PENK: variants seen among roughly 807,000 people sequenced by gnomAD.
The protein encoded by PENK is proenkephalin, also known as proenkephalin-A.
PENK carries 25 observed loss-of-function variants against 24.1 expected under a neutral mutation model. The ratio of observed to expected loss-of-function variants is 1.04; its 90% CI spans 0.76 to 1.45. The LOEUF (loss-of-function observed/expected upper bound fraction) is 1.45, where lower values mean the gene tolerates loss of function less well. PENK is among the 40% of genes most tolerant of loss of function. The pLI, the probability that PENK is intolerant of heterozygous loss-of-function variation, is 0.00. For synonymous variants in PENK, 135 were observed against 130.3 expected, an observed-to-expected ratio of 1.04 and a Z score of -0.24; for missense variants, 353 against 337.9, an observed-to-expected ratio of 1.04 and a Z score of -0.35.
Position 56,441,387 on chromosome 8 carries a change from T to C in PENK, c.689A>G (p.Tyr230Cys). 6.2e-7 allele frequency: 1 copy of C among 1,614,150 alleles called. No homozygotes were observed. The highest frequency in any genetic ancestry group is 8.5e-7 in the Non-Finnish European group (1 of 1,180,002). ...GGCAAAGCGCTTCAGGAAACCTCCA[T>C]ACCGTTTCTGGTAGTCCATCCACCA... ...PEWWMDYQKR[Y>C]GGFLKRFAEA... is the part of the protein sequence containing the mutation. Residue 230 changes from tyrosine to cysteine, a missense_variant, in exon 4 of 4, where the codon TAT becomes TGT. Coordinates refer to ENST00000451791, the MANE Select transcript of PENK (RefSeq NM_001135690.3).
At chr8:56,443,915 G>T in intron 3 of PENK, 1 of 693,688 alleles carries the variant, frequency 1.4e-6, no homozygotes, top group South Asian at 1.5e-5. Flanking sequence ...TCCATCACCT[G>T]GATTAAAGTA....
chr8:56,446,387 C>T (rs148194717), intron 2 of PENK, 39 bp downstream of exon 2: 1 of 187,266 alleles, frequency 5.3e-6, no homozygotes, highest in Admixed American at 5.5e-5. Flanking sequence ...CGTCCCCAAA[C>T]CCGCTCAGCA....
chr8:56,445,559 T>C (rs1804640049), intron 3 of PENK: 1 of 606,104 alleles, frequency 1.6e-6, no homozygotes, highest in African/African-American at 1.9e-5. Context: ...AAAACAAACT[T>C]GGTTTGTGCG....
intron 3 of PENK, chr8:56,443,662 C>T (rs997331750): frequency 1.3e-4 from 39 of 305,484 alleles, no homozygotes; most frequent in Non-Finnish European, 2.1e-4. Flanking sequence ...GATTTCACTA[C>T]ATAATTTTGG....
intron 3 of PENK, among the ~76,000 whole-genome samples, chr8:56,445,079 A>T (rs1468189790): frequency 2.6e-5 from 4 of 152,166 alleles, no homozygotes; most frequent in South Asian, 4.1e-4. Context: ...GACTGTTGTC[A>T]CCCATTGGAC....
chr8:56,441,076 A>G lies in PENK; in HGVS notation c.*196T>C. ...AGCATGAAAACGAGATAGCTGCAAT[A>G]GACTAATACTGAGCTTAAAGACTCC... On this transcript the variant is annotated 3_prime_UTR_variant, in exon 4 of 4. Coordinates refer to ENST00000451791, the MANE Select transcript of PENK (RefSeq NM_001135690.3). The G allele has an allele frequency of 1.9e-6, 1 of 525,988 alleles. No homozygotes were observed. Among genetic ancestry groups the G allele is most frequent in the Non-Finnish European group, 3.4e-6 (1 of 297,440 alleles). 32.6% of individuals were successfully genotyped at this position (525,988 alleles called of 1,614,324 possible).
chr8:56,442,867 T>C (rs1283006077), intron 3 of PENK, among the ~76,000 whole-genome samples: 2 of 133,814 alleles, frequency 1.5e-5, no homozygotes, highest in East Asian at 4.9e-4. Flanking sequence ...GTCTATACAT[T>C]CGAATGATCT....
At chr8:56,442,776 A>C (rs981500104) in intron 3 of PENK, among the ~76,000 whole-genome samples, 1 of 152,088 alleles carries the variant, frequency 6.6e-6, no homozygotes. Context: ...AATGGAAATC[A>C]TGGTGTTTGG....
rs780211826 is a variant in PENK at position 56,446,003 on chromosome 8, AC to A, written c.-3-48del. On this transcript the variant is annotated intron_variant, in intron 2 of 3. Coordinates refer to ENST00000451791, the MANE Select transcript of PENK (RefSeq NM_001135690.3). ...TGCTTCGAGCCTGCCTGGGCGCAGA[AC>A]GGGGTCCCTCGGCAGGACCCTCGCC... 15 of 1,434,486 alleles carry A rather than the reference AC, an allele frequency of 1.0e-5. No homozygotes were observed. In the South Asian group the frequency reaches 1.9e-4, roughly 19 times the overall value. 88.9% of individuals were successfully genotyped at this position (1,434,486 alleles called of 1,614,324 possible).
At position 56,441,753 on chromosome 8, in the gene PENK, C is replaced by T. The variant is rs750414338; in HGVS notation, c.323G>A (p.Gly108Glu). ...CTCATCCATTTTCTTCATGAAGCCTCCATACCTTTTCATGAAGCCCCCATA... is the reference window on the plus strand; with the variant it reads ...CTCATCCATTTTCTTCATGAAGCCTTCATACCTTTTCATGAAGCCCCCATA... ...KRYGGFMKRY[G>E]GFMKKMDELY... Residue 108 changes from glycine (G) to glutamate (E), a missense_variant, in exon 4 of 4, where the codon GGA becomes GAA. Coordinates refer to ENST00000451791, the MANE Select transcript of PENK (RefSeq NM_001135690.3). The T allele has an allele frequency of 5.0e-6, 8 of 1,609,216 alleles. No homozygotes were observed. The highest frequency in any genetic ancestry group is 2.2e-5 in the East Asian group (1 of 44,846).
chr8:56,441,452 C>T lies in PENK; in HGVS notation c.624G>A (p.Lys208=), dbSNP rs1816908772. The part of the protein sequence containing the change: ...QLEDEAKELQ[K]RYGGFMRRVG... ...CTCTTCTCATGAAGCCCCCATATCGCTTCTGCAGCTCTTTGGCTTCATCTT... is the reference window on the plus strand; with the variant it reads ...CTCTTCTCATGAAGCCCCCATATCGTTTCTGCAGCTCTTTGGCTTCATCTT... Residue 208 remains lysine, a synonymous_variant, in exon 4 of 4, where the codon AAG becomes AAA. Coordinates refer to ENST00000451791, the MANE Select transcript of PENK (RefSeq NM_001135690.3). 1 of 1,613,576 alleles carries T rather than the reference C, an allele frequency of 6.2e-7. No individual in the cohort carries two copies. The highest frequency in any genetic ancestry group is 1.3e-5 in the African/African-American group (1 of 74,958).
At chr8:56,446,238 C>T (rs1804663213) in intron 2 of PENK, 188 bp downstream of exon 2, 2 of 473,342 alleles carry the variant, frequency 4.2e-6, no homozygotes, top group Admixed American at 3.4e-5. Context: ...GGCAAGATTC[C>T]GGAGAGAACG....
Position 56,445,976 on chromosome 8 carries a change from C to G in PENK, c.-3-20G>C, listed in dbSNP as rs2078280. On this transcript the variant is annotated intron_variant, in intron 2 of 3. Transcript: ENST00000451791. ...CATGGACTGCGAGGAGAGAGGGACG[C>G]GTGCTTCGAGCCTGCCTGGGCGCAG... 10,878 of 1,570,184 alleles carry G rather than the reference C, an allele frequency of 6.9e-3. 638 individuals carry two copies. The African/African-American group carries it at 0.13, about 19-fold the overall frequency.
intron 3 of PENK, chr8:56,443,439 A>T (rs1804593968): frequency 6.6e-6 from 1 of 152,316 alleles, no homozygotes. Flanking sequence ...ATGCACTCGT[A>T]CTAAGGTAGC....
Position 56,445,457 on chromosome 8 carries a change from A to G in PENK, c.138+359T>C, listed in dbSNP as rs112182594. On this transcript the variant is annotated intron_variant, in intron 3 of 3. Transcript: ENST00000451791. ...GGGATATGTTAGGAGTTGTGGTGAC[A>G]GCCATCTTCCTTCTGACAGCCCAGG... 1.0e-3 allele frequency: 509 copies of G among 495,446 alleles called. 1 individual carries two copies. The Middle Eastern group carries it at 0.015, about 14-fold the overall frequency. The allele number at this position is 495,446 out of a possible 1,614,324, so 30.7% of individuals were successfully genotyped here. A position where few individuals can be genotyped will look rare whatever the true frequency, so the allele number is the denominator to read the frequency against.
In PENK at chr8:56,441,255, A is replaced by T; in HGVS notation, c.*17T>A. 6.5e-7 allele frequency: 1 copy of T among 1,531,966 alleles called. No homozygotes were observed. 94.9% of individuals were successfully genotyped at this position (1,531,966 alleles called of 1,614,324 possible). A position where few individuals can be genotyped will look rare whatever the true frequency, so the allele number is the denominator to read the frequency against. On this transcript the variant is annotated 3_prime_UTR_variant, in exon 4 of 4. Coordinates refer to ENST00000451791, the MANE Select transcript of PENK (RefSeq NM_001135690.3). ...GGGAGGCTTGCTGGGGCCTGGGGCC[A>T]CTAGTGGGAAAAGATATTAAAATCT...
At position 56,441,611 on chromosome 8, in the gene PENK, GT is replaced by G; in HGVS notation, c.464del (p.Asp155AlafsTer3). ...CTGTTTCCAGAAGCTCTTTTAGCAG[GT>G]CTGAGGAATTGGCCAGCGAGTCGTC... ...EEDDSLANSSDLLKELLETGD... is the reference protein window; with the variant it reads ...EEDDSLANSSXLLKELLETGD... On this transcript the variant is annotated frameshift_variant, in exon 4 of 4. Transcript: ENST00000451791. LOFTEE classifies it high-confidence loss of function. 1 of 1,613,842 alleles carries G rather than the reference GT, an allele frequency of 6.2e-7. No individual in the cohort carries two copies. Among genetic ancestry groups the G allele is most frequent in the African/African-American group, 1.3e-5 (1 of 74,882 alleles).
At chr8:56,445,418 A>AG (rs771161120) in intron 3 of PENK, 1 of 445,168 alleles carries the variant, frequency 2.2e-6, no homozygotes, top group Non-Finnish European at 4.0e-6. Context: ...CTGCGTGTGG[A>AG]GGGGCCCTTA....
chr8:56,444,902 A>AG (rs1804625084), intron 3 of PENK, among the ~76,000 whole-genome samples: 1 of 152,230 alleles, frequency 6.6e-6, no homozygotes. Flanking sequence ...AGGAATTGTC[A>AG]GGGGAGCTGG....
Sources: allele counts gnomAD v4.1 joint callset (sites outside exome capture counted in the v4.1 genomes callset), GRCh38; gene constraint gnomAD v4.1.1; transcripts MANE v1.5; gene names NCBI Gene and HGNC (gene_info 2026-07-23, HGNC 2026-07-21).